Variants in FAT3 observed in about 807,000 individuals in gnomAD.
FAT3 encodes FAT atypical cadherin 3, also known as protocadherin Fat 3.
A neutral mutation model predicts 310.2 loss-of-function variants in FAT3; 95 were observed. The ratio of observed to expected loss-of-function variants is 0.31; its 90% CI spans 0.26 to 0.36. FAT3 has a LOEUF of 0.36. Ranked by LOEUF, FAT3 falls within the 10% of genes least tolerant of loss-of-function variation. The probability of loss-of-function intolerance (pLI) is 1.00; values close to 1 mark genes in which losing one functional copy is unlikely to be tolerated. For synonymous variants in FAT3, 2,314 were observed against 2,192.9 expected (o/e 1.06, Z -1.54); for missense variants, 5,408 against 5,715.6 (o/e 0.95, Z 1.74).
At chr11:92,340,677 T>G (rs1043761449) in intron 1 of FAT3, among the ~76,000 whole-genome samples, 1 of 152,194 alleles carries the variant, frequency 6.6e-6, no homozygotes, top group Admixed American at 6.5e-5. Context: ...CGAGTTCTAA[T>G]TCTTCCAAAG....
intron 2 of FAT3, among the ~76,000 whole-genome samples, chr11:92,370,783 T>C (rs1286616018): frequency 1.3e-5 from 2 of 152,196 alleles, no homozygotes; most frequent in Non-Finnish European, 2.9e-5. Context: ...TGAGATACTG[T>C]AGGTGCTCAA....
At chr11:92,831,225 G>A (rs12279105) in intron 13 of FAT3, among the ~76,000 whole-genome samples, 2,035 of 152,274 alleles carry the variant, frequency 0.013, 52 homozygotes, top group African/African-American at 0.046. Context: ...CCTAGAAAGT[G>A]CCTGGTAGAT....
At position 92,792,788 on chromosome 11, in the gene FAT3, T is replaced by C; in HGVS notation, c.4633T>C (p.Tyr1545His). Residue 1545 changes from tyrosine (Y) to histidine (H), a missense_variant, in exon 9 of 28, where the codon TAT becomes CAT. Tyr to His is a moderately conservative substitution (Grantham distance 83). This residue lies in a region of FAT3 where 4,588 missense variants were observed against 4,809.8 expected (regional missense o/e 0.95). Transcript: ENST00000525166. ...NIMVRDQEFP[Y>H]RRNLARVIVN... ...AAAGGTCAGAGATCAGGAGTTTCCTTATCGAAGAAACTTGGCCCGAGTCAT... is the reference window on the plus strand; with the variant it reads ...AAAGGTCAGAGATCAGGAGTTTCCTCATCGAAGAAACTTGGCCCGAGTCAT... 6.2e-7 allele frequency: 1 copy of C among 1,613,794 alleles called. No homozygotes were observed. The highest frequency in any genetic ancestry group is 8.5e-7 in the Non-Finnish European group (1 of 1,179,734).
chr11:92,317,536 G>A (rs1171222777), intron 1 of FAT3, among the ~76,000 whole-genome samples: 1 of 152,184 alleles, frequency 6.6e-6, no homozygotes, highest in Non-Finnish European at 1.5e-5. Flanking sequence ...CATTCTCTAA[G>A]GTATTGCTGA....
intron 3 of FAT3, among the ~76,000 whole-genome samples, chr11:92,622,364 G>C (rs1167317105): frequency 6.6e-6 from 1 of 151,856 alleles, no homozygotes. Context: ...AATTATTTTT[G>C]TACTAAATAG....
At chr11:92,528,600 A>G (rs931135911) in intron 3 of FAT3, among the ~76,000 whole-genome samples, 2 of 152,088 alleles carry the variant, frequency 1.3e-5, no homozygotes, top group Non-Finnish European at 2.9e-5. Context: ...GTTAGCCAGG[A>G]TGGTCTCGAT....
intron 1 of FAT3, among the ~76,000 whole-genome samples, chr11:92,271,950 C>T (rs1946133363): frequency 1.3e-5 from 2 of 152,090 alleles, no homozygotes; most frequent in Non-Finnish European, 2.9e-5. Flanking sequence ...TGATTCCCTT[C>T]ACTTCTTTCT....
chr11:92,613,469 T>A (rs1242193068), intron 3 of FAT3, among the ~76,000 whole-genome samples: 2 of 152,330 alleles, frequency 1.3e-5, no homozygotes, highest in African/African-American at 2.4e-5. Flanking sequence ...TTAAAAGTGA[T>A]TAGAACGAAA....
At chr11:92,579,727 G>A (rs1352393533) in intron 3 of FAT3, among the ~76,000 whole-genome samples, 1 of 152,076 alleles carries the variant, frequency 6.6e-6, no homozygotes, top group African/African-American at 2.4e-5. Context: ...AATTCTGGCT[G>A]CCTTAGCATT....
At position 92,733,801 on chromosome 11, in the gene FAT3, T is replaced by C. The variant is rs80100495; in HGVS notation, c.3670-28055T>C. ...GAAATCTTGTGCAGGAAACTGAAGC[T>C]GTAGGTACAGATTTGGGAATCCTCA... On this transcript the variant is annotated intron_variant, in intron 4 of 27. Coordinates refer to ENST00000525166, the MANE Select transcript of FAT3 (RefSeq NM_001367949.2). Among the ~76,000 whole-genome samples the C allele has an allele frequency of 6.8e-3, 1,034 of 152,316 alleles. 10 individuals carry two copies. The highest frequency in any genetic ancestry group is 0.024 in the African/African-American group (1,000 of 41,574).
chr11:92,729,957 T>C (rs370264182), intron 4 of FAT3, among the ~76,000 whole-genome samples: 1 of 152,326 alleles, frequency 6.6e-6, no homozygotes, highest in African/African-American at 2.4e-5. Context: ...CTCTGGGTAA[T>C]GGGATCATGA....
At chr11:92,572,723 G>C (rs971899238) in intron 3 of FAT3, among the ~76,000 whole-genome samples, 2 of 152,186 alleles carry the variant, frequency 1.3e-5, no homozygotes, top group Admixed American at 1.3e-4. Flanking sequence ...GAATGGGTAA[G>C]TTGTCCTTGT....
rs1290333383 is a variant in FAT3 at position 92,645,375 on chromosome 11, A to T, written c.3608-52009A>T. Among the ~76,000 whole-genome samples, 5 of 152,316 alleles carry T rather than the reference A, an allele frequency of 3.3e-5. No individual in the cohort carries two copies. The South Asian group carries it at 1.0e-3, about 32-fold the overall frequency. On this transcript the variant is annotated intron_variant, in intron 3 of 27. Coordinates refer to ENST00000525166, the MANE Select transcript of FAT3 (RefSeq NM_001367949.2). ...TTTGATGTTGACATTTTATGGAGCAATACATTCTACGCTGGTTAGGGAATA... is the reference window on the plus strand; with the variant it reads ...TTTGATGTTGACATTTTATGGAGCATTACATTCTACGCTGGTTAGGGAATA...
At chr11:92,551,414 TTGTG>T (rs71473973) in intron 3 of FAT3, among the ~76,000 whole-genome samples, 1 of 128,964 alleles carries the variant, frequency 7.8e-6, no homozygotes. Context: ...TTTTTTTGTT[TTGTG>T]TGTGTGTGTG....
At chr11:92,625,675 G>A (rs1941298346) in intron 3 of FAT3, among the ~76,000 whole-genome samples, 1 of 151,904 alleles carries the variant, frequency 6.6e-6, no homozygotes, top group African/African-American at 2.4e-5. Context: ...GATGTTTTAT[G>A]GGGTGAGGTA....
At position 92,798,818 on chromosome 11, in the gene FAT3, C is replaced by G; in HGVS notation, c.5805C>G (p.Asn1935Lys). Residue 1935 changes from asparagine (N) to lysine (K), a missense_variant, in exon 10 of 28, where the codon AAC becomes AAG. Physicochemically the swap from Asn to Lys is moderately conservative, Grantham distance 94. Around this residue, in one of 5 missense-constraint regions of FAT3, gnomAD observed 4,588 missense variants for 4,809.8 expected, o/e 0.95. Transcript: ENST00000525166. ...GSLDHFLIDS[N>K]SGVLTIKNNN... ...TGGATCATTTTTTAATTGACTCAAA[C>G]AGTGGAGTACTTACCATAAAAAACA... is the stretch of plus-strand genomic sequence containing the variant. The G allele has an allele frequency of 9.3e-6, 15 of 1,613,894 alleles. No individual in the cohort carries two copies. The highest frequency in any genetic ancestry group is 1.3e-5 in the Non-Finnish European group (15 of 1,179,856).
chr11:92,395,351 C>G (rs941304041), intron 2 of FAT3, among the ~76,000 whole-genome samples: 1 of 152,114 alleles, frequency 6.6e-6, no homozygotes, highest in Non-Finnish European at 1.5e-5. Flanking sequence ...GTCTGATTAC[C>G]TATCAGGTCT....
intron 17 of FAT3, 87 bp from the exon 18 acceptor site, chr11:92,840,475 A>C: frequency 8.2e-7 from 1 of 1,219,186 alleles, no homozygotes; most frequent in Non-Finnish European, 1.1e-6. Context: ...AAATGATGGT[A>C]TTTTTGATTT....
chr11:92,691,500 A>G (rs1943798227), intron 3 of FAT3, among the ~76,000 whole-genome samples: 1 of 152,050 alleles, frequency 6.6e-6, no homozygotes, highest in African/African-American at 2.4e-5. Context: ...GGCTCAAGCC[A>G]TCCTCCCACT....
Sources: gnomAD v4.1 joint callset for allele counts (sites outside exome capture counted in the v4.1 genomes callset) on GRCh38, gnomAD v4.1.1 for gene constraint, gnomAD v4.1.1 regional missense constraint, MANE v1.5 for transcripts, NCBI Gene and HGNC (gene_info 2026-07-23, HGNC 2026-07-21) for gene names.